The following FAM184A variants were observed in gnomAD, a reference collection of about 807,000 sequenced individuals.
FAM184A encodes family with sequence similarity 184 member A.
FAM184A carries 99 observed loss-of-function variants against 143.8 expected under a neutral mutation model. The observed-to-expected ratio is 0.69, with a 90% CI of 0.58 to 0.81. The LOEUF (loss-of-function observed/expected upper bound fraction) is 0.81. Ranked by LOEUF, FAM184A falls within the 40% of genes least tolerant of loss-of-function variation. The pLI, the probability that FAM184A is intolerant of heterozygous loss-of-function variation, is 0.00. For missense variants in FAM184A, 1,217 were observed against 1,310.5 expected, an observed-to-expected ratio of 0.93 and a Z score of 1.10; for synonymous variants, 427 against 446.4, an observed-to-expected ratio of 0.96 and a Z score of 0.55.
chr6:119,083,122 T>C (rs1357336991), upstream of FAM184A, among the ~76,000 whole-genome samples: 1 of 152,232 alleles, frequency 6.6e-6, no homozygotes, highest in Non-Finnish European at 1.5e-5. Flanking sequence ...CAGCCTGAGC[T>C]GTACGTTGGT....
intron 14 of FAM184A, among the ~76,000 whole-genome samples, chr6:118,969,993 A>AAAATATATATATATATATATAT (rs1554264562): frequency 3.7e-4 from 9 of 24,382 alleles, no homozygotes; most frequent in African/African-American, 1.3e-3. Flanking sequence ...ATATATATAT[A>AAAATATATATATATATATATAT]ATATATATAT....
chr6:119,010,531 G>A (rs1037178239), intron 6 of FAM184A, among the ~76,000 whole-genome samples: 8 of 151,978 alleles, frequency 5.3e-5, no homozygotes, highest in Admixed American at 4.6e-4. Context: ...CTGGGTGTCT[G>A]TATTTTTCTT....
At chr6:119,069,088 T>C in intron 1 of FAM184A, 1 of 364,864 alleles carries the variant, frequency 2.7e-6, no homozygotes, top group East Asian at 9.9e-5. Context: ...TTCTTGCCAT[T>C]GAAAATAAAG....
chr6:119,130,946 T>A (rs1789519582), intron 1 of FAM184A, among the ~76,000 whole-genome samples: 1 of 150,254 alleles, frequency 6.7e-6, no homozygotes, highest in Non-Finnish European at 1.5e-5. Context: ...AACCTCTGCC[T>A]CCCGGGTTCA....
At chr6:119,104,139 C>T (rs527519725) in intron 1 of FAM184A, among the ~76,000 whole-genome samples, 20 of 151,798 alleles carry the variant, frequency 1.3e-4, no homozygotes, top group Admixed American at 2.6e-4. Context: ...CAGGCTCAAA[C>T]GATCCTCCCA....
At chr6:118,974,967 G>A in intron 13 of FAM184A, 57 bp downstream of exon 13, 2 of 1,395,398 alleles carry the variant, frequency 1.4e-6, no homozygotes, top group South Asian at 2.7e-5. Flanking sequence ...CTAAATATCA[G>A]CACAACAGTT....
chr6:119,001,801 C>T (rs1386237095), intron 9 of FAM184A, among the ~76,000 whole-genome samples: 1 of 152,090 alleles, frequency 6.6e-6, no homozygotes, highest in Non-Finnish European at 1.5e-5. Context: ...TCTTACTACT[C>T]GTCTAACAAT....
intron 17 of FAM184A, among the ~76,000 whole-genome samples, chr6:118,961,469 G>A (rs1783322334): frequency 6.6e-6 from 1 of 151,442 alleles, no homozygotes; most frequent in Admixed American, 6.6e-5. Flanking sequence ...AAAAATTGGT[G>A]ACAATACTAA....
chr6:118,986,447 G>A (rs1784199199), intron 9 of FAM184A, among the ~76,000 whole-genome samples: 1 of 152,160 alleles, frequency 6.6e-6, no homozygotes, highest in South Asian at 2.1e-4. Context: ...GAAAGCTGGG[G>A]TACACACCAT....
In FAM184A at chr6:118,962,141, A is replaced by G. The variant is rs536619978; in HGVS notation, c.3139-178T>C. The G allele has an allele frequency of 1.5e-4, 90 of 609,248 alleles. 1 individual carries two copies. The South Asian group carries it at 1.7e-3, about 12-fold the overall frequency. The allele number at this position is 609,248 out of a possible 1,614,324, so 37.7% of individuals were successfully genotyped here. On this transcript the variant is annotated intron_variant, in intron 16 of 17. Coordinates refer to ENST00000338891, the MANE Select transcript of FAM184A (RefSeq NM_024581.6). Reference sequence around the variant, plus strand: ...CTGGGAATCCTTGGAGGTATTTTTTATCTACATGGAATCCTCAAAGACAGA... The same window carrying G: ...CTGGGAATCCTTGGAGGTATTTTTTGTCTACATGGAATCCTCAAAGACAGA...
intron 14 of FAM184A, among the ~76,000 whole-genome samples, chr6:118,971,563 C>T (rs759789056): frequency 6.6e-6 from 1 of 151,980 alleles, no homozygotes; most frequent in Non-Finnish European, 1.5e-5. Flanking sequence ...AAAAATCAAA[C>T]AGCCCATTTT....
Position 118,975,148 on chromosome 6 carries a change from G to A in FAM184A, c.2644C>T (p.His882Tyr), listed in dbSNP as rs774727564. 8 of 1,611,544 alleles carry A rather than the reference G, an allele frequency of 5.0e-6. No individual in the cohort carries two copies. The highest frequency in any genetic ancestry group is 1.3e-5 in the African/African-American group (1 of 74,866). Residue 882 changes from histidine (H) to tyrosine (Y), a missense_variant, in exon 13 of 18, where the codon CAC (histidine) becomes TAC (tyrosine). His to Tyr is a moderately conservative substitution (Grantham distance 83, BLOSUM62 2). Coordinates refer to ENST00000338891, the MANE Select transcript of FAM184A (RefSeq NM_024581.6). ...ACCTCCTTATCCAATTCAGAGATGT[G>A]ATGCTCTCTGTGTCTTAATTCCTCT... Reference protein sequence around the residue: ...LQEELRHREHHISELDKEVQH... With the variant: ...LQEELRHREHYISELDKEVQH...
chr6:119,096,718 TCTAGG>T (rs1788521100), intron 1 of FAM184A, among the ~76,000 whole-genome samples: 1 of 151,656 alleles, frequency 6.6e-6, no homozygotes, highest in Non-Finnish European at 1.5e-5. Flanking sequence ...TTGGTATTGG[TCTAGG>T]CTGAGATTCA....
chr6:119,068,477 G>C (rs1373298326), intron 1 of FAM184A, among the ~76,000 whole-genome samples: 1 of 152,176 alleles, frequency 6.6e-6, no homozygotes, highest in African/African-American at 2.4e-5. Flanking sequence ...ATAATTCTAT[G>C]AAGTACGCTT....
intron 9 of FAM184A, among the ~76,000 whole-genome samples, chr6:118,986,279 C>A (rs570373338): frequency 1.3e-5 from 2 of 151,344 alleles, no homozygotes; most frequent in Non-Finnish European, 2.9e-5. Context: ...GGCGACAGAG[C>A]GAGACTCCGT....
chr6:119,133,174 C>A (rs1789580318), intron 1 of FAM184A, among the ~76,000 whole-genome samples: 2 of 152,154 alleles, frequency 1.3e-5, no homozygotes, highest in Non-Finnish European at 2.9e-5. Flanking sequence ...GAAGAGAAAG[C>A]TTGACAAAGT....
intron 6 of FAM184A, among the ~76,000 whole-genome samples, chr6:119,010,995 G>A (rs6903032): frequency 0.027 from 4,139 of 152,182 alleles, 213 homozygotes; most frequent in African/African-American, 0.094. Context: ...TAGAAAAAGA[G>A]GCAGTATAGA....
intron 15 of FAM184A, among the ~76,000 whole-genome samples, chr6:118,965,081 T>C (rs1783457161): frequency 6.6e-6 from 1 of 152,174 alleles, no homozygotes; most frequent in Admixed American, 6.5e-5. Flanking sequence ...ACAACTTACA[T>C]TCATGGGGCT....
chr6:118,963,474 ACT>A (rs1312655914), intron 16 of FAM184A: 1 of 152,064 alleles, frequency 6.6e-6, no homozygotes, highest in Non-Finnish European at 1.5e-5. Flanking sequence ...AGTATTTTAG[ACT>A]CTGAGATACA....
Sources: gnomAD v4.1 joint callset for allele counts (sites outside exome capture counted in the v4.1 genomes callset) on GRCh38, gnomAD v4.1.1 for gene constraint, MANE v1.5 for transcripts, NCBI Gene and HGNC (gene_info 2026-07-23, HGNC 2026-07-21) for gene names.